The following NRXN1 variants were observed in gnomAD, a reference collection of about 807,000 sequenced individuals.
The protein encoded by NRXN1 is neurexin-1.
A neutral mutation model predicts 150.9 loss-of-function variants in NRXN1; 39 were observed. That is an observed-to-expected ratio of 0.26 (90% CI 0.20 to 0.34). NRXN1 has a LOEUF of 0.34. Among genes scored for constraint, NRXN1 ranks in the 10% least tolerant of loss-of-function variants. The probability of loss-of-function intolerance (pLI) is 1.00; values close to 1 mark genes in which losing one functional copy is unlikely to be tolerated. For synonymous variants in NRXN1, 924 were observed against 757.0 expected (o/e 1.22, Z -3.62); for missense variants, 1,815 against 1,949.9 (o/e 0.93, Z 1.30).
At chr2:50,482,003 C>G (rs1281228107) in intron 15 of NRXN1, among the ~76,000 whole-genome samples, 1 of 136,992 alleles carries the variant, frequency 7.3e-6, no homozygotes, top group Admixed American at 6.9e-5. Context: ...CTCCTGACCT[C>G]GTGATCCGCC....
At chr2:50,136,009 C>T (rs776064496) in intron 18 of NRXN1, among the ~76,000 whole-genome samples, 16 of 152,238 alleles carry the variant, frequency 1.1e-4, no homozygotes, top group African/African-American at 3.9e-4. Flanking sequence ...CAGGGAATTG[C>T]CCTACTTTTC....
intron 4 of NRXN1, 21 bp from the exon 5 acceptor site, chr2:50,921,901 G>A: frequency 1.4e-6 from 2 of 1,385,376 alleles, no homozygotes; most frequent in South Asian, 3.2e-5. Flanking sequence ...GATGAAATGG[G>A]TCCATGAAGA....
At chr2:50,143,410 T>C (rs1480769711) in intron 18 of NRXN1, among the ~76,000 whole-genome samples, 2 of 151,964 alleles carry the variant, frequency 1.3e-5, no homozygotes, top group Non-Finnish European at 2.9e-5. Context: ...CAATGGATCA[T>C]GCTATCGAGG....
intron 8 of NRXN1, among the ~76,000 whole-genome samples, chr2:50,573,800 C>T (rs1671011690): frequency 6.6e-6 from 1 of 151,560 alleles, no homozygotes; most frequent in African/African-American, 2.4e-5. Context: ...AAACAATGCA[C>T]TGTAACAACT....
At chr2:50,438,166 C>A (rs2085615573) in intron 17 of NRXN1, among the ~76,000 whole-genome samples, 1 of 152,168 alleles carries the variant, frequency 6.6e-6, no homozygotes, top group Non-Finnish European at 1.5e-5. Context: ...CTGAGTATAG[C>A]ACAGCCTTCT....
At chr2:50,630,162 T>C (rs1315495999) in intron 5 of NRXN1, among the ~76,000 whole-genome samples, 1 of 151,616 alleles carries the variant, frequency 6.6e-6, no homozygotes, top group Admixed American at 6.6e-5. Context: ...TCATCTAATT[T>C]TCTGAGAGTA....
chr2:50,125,610 A>G (rs1455000388), intron 18 of NRXN1, among the ~76,000 whole-genome samples: 1 of 152,150 alleles, frequency 6.6e-6, no homozygotes, highest in Admixed American at 6.6e-5. Flanking sequence ...TAAAAACATT[A>G]AGATCTTGGC....
At chr2:50,551,044 G>GAAGAA (rs1491286570) in intron 9 of NRXN1, among the ~76,000 whole-genome samples, 471 of 65,568 alleles carry the variant, frequency 7.2e-3, no homozygotes, top group East Asian at 0.013. Flanking sequence ...AAGAGGAAGA[G>GAAGAA]GAAGAGGAAG....
chr2:50,621,816 G>A (rs1053402912), intron 6 of NRXN1, among the ~76,000 whole-genome samples: 5 of 152,118 alleles, frequency 3.3e-5, no homozygotes, highest in African/African-American at 9.7e-5. Context: ...TTACTGCAAT[G>A]AAACAAAGCA....
intron 17 of NRXN1, among the ~76,000 whole-genome samples, chr2:50,324,288 G>A (rs970256194): frequency 2.0e-5 from 3 of 152,200 alleles, no homozygotes; most frequent in African/African-American, 4.8e-5. Flanking sequence ...CCGATTAAAT[G>A]CATGGCAAGA....
chr2:50,099,961 G>GTATGGCATTTA (rs1308862143), intron 18 of NRXN1, among the ~76,000 whole-genome samples: 2 of 152,192 alleles, frequency 1.3e-5, no homozygotes, highest in Admixed American at 1.3e-4. Flanking sequence ...TATGGTTCTA[G>GTATGGCATTTA]GGAAATCCTA....
chr2:50,601,975 A>T (rs1416080233), intron 8 of NRXN1, among the ~76,000 whole-genome samples: 2 of 152,198 alleles, frequency 1.3e-5, no homozygotes, highest in Non-Finnish European at 2.9e-5. Context: ...AGAGTTATAA[A>T]GAGTCTGGAC....
intron 19 of NRXN1, among the ~76,000 whole-genome samples, chr2:50,068,465 T>G (rs751078170): frequency 6.6e-5 from 10 of 152,218 alleles, no homozygotes; most frequent in Non-Finnish European, 1.2e-4. Flanking sequence ...GTGGTCAGAA[T>G]CACTGAGGAA....
chr2:50,485,987 G>A (rs2090843083), intron 15 of NRXN1, among the ~76,000 whole-genome samples: 1 of 152,136 alleles, frequency 6.6e-6, no homozygotes, highest in Non-Finnish European at 1.5e-5. Context: ...AACTCAGATT[G>A]GTGGTTTGTA....
chr2:50,977,147 C>T (rs1336086428), intron 2 of NRXN1, among the ~76,000 whole-genome samples: 1 of 151,774 alleles, frequency 6.6e-6, no homozygotes, highest in Non-Finnish European at 1.5e-5. Context: ...TTATATGATG[C>T]TTCATTACCA....
chr2:50,092,685 T>C (rs928364571), intron 18 of NRXN1, among the ~76,000 whole-genome samples: 4 of 152,194 alleles, frequency 2.6e-5, no homozygotes, highest in African/African-American at 9.7e-5. Flanking sequence ...TAAGAATCCT[T>C]ACGGAAAATC....
At chr2:49,934,778 T>G (rs997002429) in intron 22 of NRXN1, among the ~76,000 whole-genome samples, 3 of 152,092 alleles carry the variant, frequency 2.0e-5, no homozygotes, top group African/African-American at 7.2e-5. Flanking sequence ...TCGAAAGCAC[T>G]CTCCCTTTCT....
chr2:50,336,170 G>A (rs1235365742), intron 17 of NRXN1, among the ~76,000 whole-genome samples: 1 of 152,172 alleles, frequency 6.6e-6, no homozygotes. Context: ...GTTATTTTAA[G>A]TGGAATGTGT....
rs1438177834 is a variant in NRXN1, at chr2:50,207,388, C to T, written c.3546+29401G>A. 4 of 151,966 alleles carry T rather than the reference C, an allele frequency of 2.6e-5. No homozygotes were observed. In the East Asian group the frequency reaches 7.7e-4, roughly 29 times the overall value. 9.4% of individuals were successfully genotyped at this position (151,966 alleles called of 1,614,324 possible). A position where few individuals can be genotyped will look rare whatever the true frequency, so the allele number is the denominator to read the frequency against. ...CCTCTTGAATAATCCCTTGTGGTCA[C>T]AATGGAAAAAATATTTTTTTATTTT... On this transcript the variant is annotated intron_variant, in intron 18 of 22. Coordinates refer to ENST00000401669, the MANE Select transcript of NRXN1 (RefSeq NM_001330078.2).
Sources: gnomAD v4.1 joint callset for allele counts (sites outside exome capture counted in the v4.1 genomes callset) on GRCh38, gnomAD v4.1.1 for gene constraint, MANE v1.5 for transcripts, NCBI Gene and HGNC (gene_info 2026-07-23, HGNC 2026-07-21) for gene names.